Variants in MAD1L1 observed in about 807,000 individuals in gnomAD.
The protein encoded by MAD1L1 is mitotic arrest deficient 1 like 1.
In MAD1L1, 95 loss-of-function variants were observed where a neutral mutation model predicts 96.9. The observed-to-expected ratio is 0.98, with a 90% CI of 0.83 to 1.16. The LOEUF is 1.16. MAD1L1 is among the 50% of genes most tolerant of loss of function. The pLI is 0.00. For missense variants in MAD1L1, 1,007 were observed against 954.4 expected (o/e 1.06, Z -0.73); for synonymous variants, 473 against 396.6 (o/e 1.19, Z -2.29).
rs977354118 is a variant in MAD1L1, at chr7:2,140,063, C to T, written c.1073+9089G>A. Among the ~76,000 whole-genome samples, 3 of 151,886 alleles carry T rather than the reference C, an allele frequency of 2.0e-5. No homozygotes were observed. In the South Asian group the frequency reaches 6.2e-4, roughly 32 times the overall value. On this transcript the variant is annotated intron_variant, in intron 11 of 18. Coordinates refer to ENST00000265854, the MANE Select transcript of MAD1L1 (RefSeq NM_001013836.2). Reference sequence around the variant, plus strand: ...AGGCCAGGTGGCCAGGCTTCCAAAGCCCTCAACTACTTCCCTGCAGGACGT... The same window carrying T: ...AGGCCAGGTGGCCAGGCTTCCAAAGTCCTCAACTACTTCCCTGCAGGACGT...
At chr7:1,988,544 T>G (rs1458106643) in intron 14 of MAD1L1, among the ~76,000 whole-genome samples, 5 of 152,006 alleles carry the variant, frequency 3.3e-5, no homozygotes, top group Non-Finnish European at 7.4e-5. Flanking sequence ...TACCTAAAAC[T>G]TCGTTTTCTG....
chr7:2,041,907 G>A (rs941000735), intron 12 of MAD1L1, among the ~76,000 whole-genome samples: 2 of 152,134 alleles, frequency 1.3e-5, no homozygotes, highest in South Asian at 2.1e-4. Context: ...CCAGCTCCCC[G>A]CAGCACCTCC....
chr7:2,229,957 A>G (rs1794109521), intron 3 of MAD1L1, 27 bp downstream of exon 3: 1 of 1,610,026 alleles, frequency 6.2e-7, no homozygotes. Flanking sequence ...CCCAGAGCAG[A>G]CTCCCACCCA....
At chr7:1,917,356 C>T (rs1788474420) in intron 17 of MAD1L1, among the ~76,000 whole-genome samples, 1 of 152,182 alleles carries the variant, frequency 6.6e-6, no homozygotes, top group South Asian at 2.1e-4. Context: ...GCATGAGGGG[C>T]CACACCCCTG....
chr7:1,938,901 GCGCACACA>G (rs1194717914), intron 16 of MAD1L1, among the ~76,000 whole-genome samples: 3 of 61,324 alleles, frequency 4.9e-5, no homozygotes, highest in Non-Finnish European at 8.1e-5. Context: ...GGCCAGAGGC[GCGCACACA>G]CACACACACA....
chr7:2,011,436 C>T (rs1017717801), intron 13 of MAD1L1, among the ~76,000 whole-genome samples: 4 of 152,276 alleles, frequency 2.6e-5, no homozygotes, highest in South Asian at 2.1e-4. Context: ...CCCGAACTTG[C>T]GCCACATCCA....
At chr7:1,826,071 G>GTGCCGA (rs1325993340) in intron 18 of MAD1L1, among the ~76,000 whole-genome samples, 1 of 152,182 alleles carries the variant, frequency 6.6e-6, no homozygotes, top group Non-Finnish European at 1.5e-5. Context: ...GAGCCTGCCG[G>GTGCCGA]GTACAGCGTG....
chr7:2,172,576 C>T (rs1258046012), intron 10 of MAD1L1, among the ~76,000 whole-genome samples: 3 of 152,242 alleles, frequency 2.0e-5, no homozygotes, highest in Non-Finnish European at 4.4e-5. Flanking sequence ...GCCGCCAGGA[C>T]GGGGCAGCCC....
chr7:1,993,743 T>A (rs1279072374), intron 14 of MAD1L1, among the ~76,000 whole-genome samples: 1 of 152,238 alleles, frequency 6.6e-6, no homozygotes, highest in Non-Finnish European at 1.5e-5. Flanking sequence ...CATCTTCTCA[T>A]AAGATCTTTG....
intron 10 of MAD1L1, among the ~76,000 whole-genome samples, chr7:2,181,014 C>T (rs1791174825): frequency 6.6e-6 from 1 of 152,304 alleles, no homozygotes; most frequent in Non-Finnish European, 1.5e-5. Flanking sequence ...AGAATCCTGA[C>T]GGACCTATCT....
intron 11 of MAD1L1, among the ~76,000 whole-genome samples, chr7:2,094,954 T>C (rs1049130049): frequency 6.6e-6 from 1 of 152,206 alleles, no homozygotes; most frequent in Admixed American, 6.5e-5. Flanking sequence ...GCTCTCTATA[T>C]ACACACTACA....
chr7:2,180,915 G>A (rs1791170356), intron 10 of MAD1L1, among the ~76,000 whole-genome samples: 1 of 152,136 alleles, frequency 6.6e-6, no homozygotes, highest in Admixed American at 6.5e-5. Flanking sequence ...GTCCTGGGTA[G>A]AGCCTCCAGC....
At chr7:2,014,674 C>T (rs377306764) in intron 12 of MAD1L1, 32 bp from the exon 13 acceptor site, 296 of 1,577,210 alleles carry the variant, frequency 1.9e-4, no homozygotes, top group Middle Eastern at 8.5e-4. Flanking sequence ...GATCAGGACC[C>T]GGGACGGGGG....
At chr7:2,125,412 G>A (rs934789605) in intron 11 of MAD1L1, among the ~76,000 whole-genome samples, 2 of 152,208 alleles carry the variant, frequency 1.3e-5, no homozygotes, top group Non-Finnish European at 2.9e-5. Context: ...TCCCCCGGGC[G>A]ACAGCTCAAA....
At chr7:1,957,571 C>G in intron 16 of MAD1L1, 58 bp downstream of exon 16, 5 of 1,548,248 alleles carry the variant, frequency 3.2e-6, no homozygotes, top group Non-Finnish European at 4.4e-6. Flanking sequence ...TCGTTCACGA[C>G]GCCCAAAGAA....
At chr7:2,192,997 G>A (rs377011471) in intron 10 of MAD1L1, among the ~76,000 whole-genome samples, 1 of 152,190 alleles carries the variant, frequency 6.6e-6, no homozygotes, top group Admixed American at 6.5e-5. Flanking sequence ...AATTTGGCAA[G>A]GGTTGTCAGT....
chr7:2,139,034 G>A (rs1322735930), intron 11 of MAD1L1, among the ~76,000 whole-genome samples: 2 of 152,164 alleles, frequency 1.3e-5, no homozygotes, highest in African/African-American at 4.8e-5. Context: ...AGCAGGACAA[G>A]CGGTCTTCCT....
chr7:1,907,377 G>C (rs369370276), intron 17 of MAD1L1, among the ~76,000 whole-genome samples: 1 of 152,208 alleles, frequency 6.6e-6, no homozygotes, highest in African/African-American at 2.4e-5. Context: ...AGGGACTCAC[G>C]GCACAGCCAT....
At chr7:1,817,780 CTCCCCAGGA>C (rs1781898902) in intron 18 of MAD1L1, among the ~76,000 whole-genome samples, 1 of 152,092 alleles carries the variant, frequency 6.6e-6, no homozygotes. Context: ...TCTGGGAACC[CTCCCCAGGA>C]GCCACAGGGC....
Sources: allele counts gnomAD v4.1 joint callset (sites outside exome capture counted in the v4.1 genomes callset), GRCh38; gene constraint gnomAD v4.1.1; transcripts MANE v1.5; gene names NCBI Gene and HGNC (gene_info 2026-07-23, HGNC 2026-07-21).